Variants in LTBP1 observed in about 807,000 individuals in gnomAD.
LTBP1 encodes the protein latent transforming growth factor beta binding protein 1.
Under a neutral mutation model 207.6 loss-of-function variants are expected in LTBP1, and 129 were observed. The ratio of observed to expected loss-of-function variants is 0.62; its 90% CI spans 0.54 to 0.72. The LOEUF is 0.72. Ranked by LOEUF, LTBP1 falls within the 30% of genes least tolerant of loss-of-function variation. The pLI, the probability that LTBP1 is intolerant of heterozygous loss-of-function variation, is 0.00. For synonymous variants in LTBP1, 963 were observed against 833.7 expected, an observed-to-expected ratio of 1.16 and a Z score of -2.67; for missense variants, 2,281 against 2,217.2, an observed-to-expected ratio of 1.03 and a Z score of -0.58.
At chr2:32,995,508 G>A (rs768208861) in intron 2 of LTBP1, among the ~76,000 whole-genome samples, 38 of 152,180 alleles carry the variant, frequency 2.5e-4, no homozygotes, top group Non-Finnish European at 4.6e-4. Context: ...TTGGCCGGGC[G>A]CGGTGGCTCA....
At chr2:33,314,757 A>G (rs1046730277) in intron 23 of LTBP1, among the ~76,000 whole-genome samples, 1 of 152,236 alleles carries the variant, frequency 6.6e-6, no homozygotes, top group Admixed American at 6.5e-5. Flanking sequence ...GTAACAAGGT[A>G]CTACAGACTA....
intron 7 of LTBP1, 97 bp from the exon 8 acceptor site, chr2:33,217,455 G>A: frequency 2.9e-6 from 2 of 686,432 alleles, no homozygotes; most frequent in Admixed American, 2.2e-5. Flanking sequence ...GATAACAAGG[G>A]AACTGGTTTA....
At position 33,309,503 on chromosome 2, in the gene LTBP1, A is replaced by G; in HGVS notation, c.3551A>G (p.Tyr1184Cys). Residue 1184 changes from tyrosine (Y) to cysteine (C), a missense_variant, in exon 23 of 34, where the codon TAT (tyrosine) becomes TGT (cysteine). Tyr to Cys is a radical substitution (Grantham distance 194). This residue lies in a region of LTBP1 where 1,671 missense variants were observed against 1,634.8 expected (regional missense o/e 1.02). Coordinates refer to ENST00000404816, the MANE Select transcript of LTBP1 (RefSeq NM_206943.4). ...GACTGCATTAATACTGCAGGGTCCT[A>G]TGATTGTACTTGTCCGGATGGATTT... Reference protein sequence around the residue: ...RGDCINTAGSYDCTCPDGFQL... With the variant: ...RGDCINTAGSCDCTCPDGFQL... 3 of 1,610,892 alleles carry G rather than the reference A, an allele frequency of 1.9e-6. No individual in the cohort carries two copies. The highest frequency in any genetic ancestry group is 1.7e-6 in the Non-Finnish European group (2 of 1,178,680).
At chr2:33,071,822 C>T (rs2077806356) in intron 3 of LTBP1, among the ~76,000 whole-genome samples, 1 of 152,196 alleles carries the variant, frequency 6.6e-6, no homozygotes, top group Non-Finnish European at 1.5e-5. Flanking sequence ...GCTGACAAAG[C>T]AGCTTGAATG....
intron 2 of LTBP1, among the ~76,000 whole-genome samples, chr2:32,998,904 C>G (rs1685691207): frequency 1.3e-5 from 2 of 152,204 alleles, no homozygotes; most frequent in South Asian, 4.1e-4. Flanking sequence ...CCACTCAGTT[C>G]CTGGTATTTT....
chr2:33,005,349 T>A (rs1390670957), intron 2 of LTBP1, among the ~76,000 whole-genome samples: 1 of 152,198 alleles, frequency 6.6e-6, no homozygotes, highest in Non-Finnish European at 1.5e-5. Flanking sequence ...TGGCACTGGC[T>A]GCTAGTTGGG....
chr2:33,029,100 T>C (rs1336908559), intron 3 of LTBP1, among the ~76,000 whole-genome samples: 1 of 152,220 alleles, frequency 6.6e-6, no homozygotes, highest in Non-Finnish European at 1.5e-5. Context: ...GTGTGAGTAA[T>C]TGGAGTTAGC....
chr2:33,147,836 A>C lies in LTBP1; in HGVS notation c.1201+12876A>C, dbSNP rs190329679. Reference sequence around the variant, plus strand: ...CAGAATTTTTCAGGGGATGGTGAGAAAGTGTTTTTGTTCACATGTCCCCTA... The same window carrying C: ...CAGAATTTTTCAGGGGATGGTGAGACAGTGTTTTTGTTCACATGTCCCCTA... On this transcript the variant is annotated intron_variant, in intron 5 of 33. Coordinates refer to ENST00000404816, the MANE Select transcript of LTBP1 (RefSeq NM_206943.4). Among the ~76,000 whole-genome samples the C allele has an allele frequency of 1.5e-3, 229 of 152,304 alleles. 2 individuals are homozygous for C. Among genetic ancestry groups the C allele is most frequent in the Middle Eastern group, 0.014 (4 of 294 alleles).
At chr2:33,112,608 T>G (rs1009951736) in intron 4 of LTBP1, among the ~76,000 whole-genome samples, 1 of 152,172 alleles carries the variant, frequency 6.6e-6, no homozygotes, top group Admixed American at 6.5e-5. Context: ...GATGTGGCTA[T>G]TTTTGCTGAG....
intron 31 of LTBP1, among the ~76,000 whole-genome samples, chr2:33,379,523 T>C (rs1457558879): frequency 6.6e-6 from 1 of 152,220 alleles, no homozygotes; most frequent in Admixed American, 6.5e-5. Context: ...CCATTACTTT[T>C]AATGCATTCA....
At chr2:33,250,324 G>A (rs1159007520) in intron 10 of LTBP1, among the ~76,000 whole-genome samples, 1 of 152,164 alleles carries the variant, frequency 6.6e-6, no homozygotes, top group Non-Finnish European at 1.5e-5. Flanking sequence ...GTAAAATTTC[G>A]GTTTGGGAGA....
At chr2:33,094,654 A>G (rs780987529) in intron 3 of LTBP1, among the ~76,000 whole-genome samples, 27 of 152,198 alleles carry the variant, frequency 1.8e-4, no homozygotes, top group Non-Finnish European at 3.1e-4. Context: ...GGCTTGCAGT[A>G]CTCTGTGAGT....
intron 4 of LTBP1, among the ~76,000 whole-genome samples, chr2:33,122,826 T>C (rs377610561): frequency 1.3e-5 from 2 of 149,186 alleles, no homozygotes; most frequent in African/African-American, 5.0e-5. Flanking sequence ...TTCTGCGTTC[T>C]GGGTTCTCTT....
chr2:33,160,159 A>T, intron 5 of LTBP1, among the ~76,000 whole-genome samples: 1 of 152,196 alleles, frequency 6.6e-6, no homozygotes, highest in East Asian at 1.9e-4. Flanking sequence ...GATAACAGGT[A>T]TGAGCCACCG....
intron 3 of LTBP1, among the ~76,000 whole-genome samples, chr2:33,033,247 A>G (rs1343392323): frequency 1.3e-5 from 2 of 152,030 alleles, no homozygotes; most frequent in Non-Finnish European, 2.9e-5. Context: ...GTAGAGAGCT[A>G]TATTTTCATA....
chr2:33,231,424 G>T (rs956239245), intron 9 of LTBP1, among the ~76,000 whole-genome samples: 1 of 152,148 alleles, frequency 6.6e-6, no homozygotes, highest in South Asian at 2.1e-4. Flanking sequence ...AAGAGATAAT[G>T]TACCTGTTTT....
intron 3 of LTBP1, among the ~76,000 whole-genome samples, chr2:33,077,692 G>A (rs1558604617): frequency 6.6e-6 from 1 of 152,186 alleles, no homozygotes; most frequent in African/African-American, 2.4e-5. Context: ...TTCGACGTGA[G>A]ATTTGGGTGG....
intron 3 of LTBP1, among the ~76,000 whole-genome samples, chr2:33,083,045 G>A (rs2078536945): frequency 6.6e-6 from 1 of 151,840 alleles, no homozygotes; most frequent in Non-Finnish European, 1.5e-5. Flanking sequence ...CCCTTGTTGG[G>A]GTCTTGTCCC....
intron 2 of LTBP1, among the ~76,000 whole-genome samples, chr2:32,954,686 A>G (rs1321930036): frequency 6.6e-6 from 1 of 151,864 alleles, no homozygotes; most frequent in African/African-American, 2.4e-5. Flanking sequence ...GTACAATTCA[A>G]TTCATGATGT....
Sources: allele counts gnomAD v4.1 joint callset (sites outside exome capture counted in the v4.1 genomes callset), GRCh38; gene constraint gnomAD v4.1.1; regional missense constraint gnomAD v4.1.1; transcripts MANE v1.5; gene names NCBI Gene and HGNC (gene_info 2026-07-23, HGNC 2026-07-21).